KNTC1: variants seen among roughly 807,000 people sequenced by gnomAD.
KNTC1 encodes the protein kinetochore associated 1.
Under a neutral mutation model 314.4 loss-of-function variants are expected in KNTC1, and 253 were observed. That is an observed-to-expected ratio of 0.80 (90% CI 0.73 to 0.89). The LOEUF (loss-of-function observed/expected upper bound fraction) is 0.89. Ranked by LOEUF, KNTC1 falls within the 40% of genes least tolerant of loss-of-function variation. The pLI, the probability that KNTC1 is intolerant of heterozygous loss-of-function variation, is 0.00. For missense variants in KNTC1, 2,475 were observed against 2,572.9 expected (o/e 0.96, Z 0.82); for synonymous variants, 901 against 901.4 (o/e 1.00, Z 0.01).
chr12:122,558,379 T>G (rs918581703), intron 18 of KNTC1, among the ~76,000 whole-genome samples: 2 of 151,270 alleles, frequency 1.3e-5, no homozygotes, highest in African/African-American at 4.9e-5. Flanking sequence ...AGACCTCATG[T>G]TGTCTCTACT....
rs374760781 is a variant in KNTC1, at chr12:122,602,667, A to C, written c.4752A>C (p.Pro1584=). ...QYMLEHVITL[P]SAAQTRLPFH... Reference sequence around the variant, plus strand: ...TGTTGGAACATGTCATAACTTTGCCATCAGCTGCCCAAACTAGACTGCCTT... The same window carrying C: ...TGTTGGAACATGTCATAACTTTGCCCTCAGCTGCCCAAACTAGACTGCCTT... Residue 1584 remains proline, a synonymous_variant, in exon 46 of 64, where the codon CCA becomes CCC. Coordinates refer to ENST00000333479, the MANE Select transcript of KNTC1 (RefSeq NM_014708.6). 9 of 1,613,770 alleles carry C rather than the reference A, an allele frequency of 5.6e-6. No individual in the cohort carries two copies. Among genetic ancestry groups the C allele is most frequent in the Non-Finnish European group, 7.6e-6 (9 of 1,179,778 alleles).
intron 33 of KNTC1, among the ~76,000 whole-genome samples, chr12:122,581,146 C>T (rs990264008): frequency 7.3e-5 from 11 of 151,144 alleles, no homozygotes; most frequent in Non-Finnish European, 1.3e-4. Flanking sequence ...CCATATAATT[C>T]ATCCACTTAA....
rs2138025137 is a variant in KNTC1, at chr12:122,587,962, T to C, written c.3894+88T>C. On this transcript the variant is annotated intron_variant, in intron 39 of 63. Transcript: ENST00000333479. ...GGAATTTGGAGTCCACGTTTTCCTA[T>C]TGTCTTTGTAGCAAGGAAATTGGTA... 3 of 1,125,480 alleles carry C rather than the reference T, an allele frequency of 2.7e-6. No individual in the cohort carries two copies. The East Asian group carries it at 7.9e-5, about 29-fold the overall frequency. 69.7% of individuals were successfully genotyped at this position (1,125,480 alleles called of 1,614,324 possible). A position where few individuals can be genotyped will look rare whatever the true frequency, so the allele number is the denominator to read the frequency against.
Position 122,555,763 on chromosome 12 carries a change from C to T in KNTC1, c.1273-1621C>T, listed in dbSNP as rs184294755. The stretch of plus-strand genomic sequence containing the variant: ...ACTTGGGATGTGGAGGCAGGAGAAT[C>T]GCTTGAACCCGGGAGGCAGAGGTTG... On this transcript the variant is annotated intron_variant, in intron 16 of 63. Coordinates refer to ENST00000333479, the MANE Select transcript of KNTC1 (RefSeq NM_014708.6). 5.9e-5 allele frequency among the ~76,000 whole-genome samples: 9 copies of T among 151,870 alleles called. No homozygotes were observed. The East Asian group carries it at 9.7e-4, about 16-fold the overall frequency.
intron 5 of KNTC1, 50 bp downstream of exon 5, chr12:122,539,804 T>C: frequency 1.9e-6 from 2 of 1,077,888 alleles, no homozygotes; most frequent in Non-Finnish European, 2.7e-6. Context: ...TTTTTTTTAA[T>C]GGAGTCTCCC....
At position 122,557,512 on chromosome 12, in the gene KNTC1, A is replaced by G; in HGVS notation, c.1398+3A>G. ...AGGAAAATCTACATAAGATCCAGGTATGTTTTTCTTGTCACATACTACAGT... is the reference window on the plus strand; with the variant it reads ...AGGAAAATCTACATAAGATCCAGGTGTGTTTTTCTTGTCACATACTACAGT... On this transcript the variant is annotated splice_donor_region_variant and intron_variant, in intron 17 of 63. Transcript: ENST00000333479. 2 of 1,613,532 alleles carry G rather than the reference A, an allele frequency of 1.2e-6. No individual in the cohort carries two copies. The highest frequency in any genetic ancestry group is 1.1e-5 in the South Asian group (1 of 91,006).
At chr12:122,577,125 T>G in intron 30 of KNTC1, 96 bp downstream of exon 30, 1 of 866,290 alleles carries the variant, frequency 1.2e-6, no homozygotes, top group South Asian at 2.4e-5. Flanking sequence ...TTGCCCAGGC[T>G]GGAGTGCAGT....
intron 51 of KNTC1, among the ~76,000 whole-genome samples, chr12:122,605,766 G>C (rs895962273): frequency 4.0e-5 from 6 of 151,748 alleles, no homozygotes; most frequent in African/African-American, 1.5e-4. Flanking sequence ...GACTAGCCTC[G>C]AACTCCTGAC....
At chr12:122,596,032 G>T (rs1228630168) in intron 43 of KNTC1, among the ~76,000 whole-genome samples, 1 of 150,432 alleles carries the variant, frequency 6.6e-6, no homozygotes, top group Non-Finnish European at 1.5e-5. Flanking sequence ...TATTAATAGG[G>T]TCTAAAAAGG....
intron 62 of KNTC1, among the ~76,000 whole-genome samples, chr12:122,623,144 G>A (rs1310027954): frequency 6.6e-6 from 1 of 152,146 alleles, no homozygotes; most frequent in African/African-American, 2.4e-5. Context: ...CAAATCAAGT[G>A]TCTCACAGCC....
intron 18 of KNTC1, among the ~76,000 whole-genome samples, chr12:122,561,606 A>G (rs1963983344): frequency 6.6e-6 from 1 of 151,868 alleles, no homozygotes; most frequent in Non-Finnish European, 1.5e-5. Context: ...GGTGTGCGCA[A>G]CAGTGCCTGG....
rs1193868058 is a variant in KNTC1 at position 122,547,546 on chromosome 12, G to A, written c.932+16G>A. On this transcript the variant is annotated intron_variant, in intron 11 of 63. Coordinates refer to ENST00000333479, the MANE Select transcript of KNTC1 (RefSeq NM_014708.6). ...CAGTCACGTGGTATGTTATGACTAT[G>A]GCTAGTAGTCATTTCCCTTCTGTTA... 1 of 1,425,708 alleles carries A rather than the reference G, an allele frequency of 7.0e-7. No homozygotes were observed. The highest frequency in any genetic ancestry group is 1.2e-5 in the South Asian group (1 of 86,104). The allele number at this position is 1,425,708 out of a possible 1,614,324, so 88.3% of individuals were successfully genotyped here.
At chr12:122,614,647 G>A (rs1566018299) in intron 55 of KNTC1, among the ~76,000 whole-genome samples, 3 of 152,046 alleles carry the variant, frequency 2.0e-5, no homozygotes, top group South Asian at 2.1e-4. Context: ...TTGGGAGGCC[G>A]AGGCAGGTAG....
chr12:122,534,122 TG>T (rs1357594956), intron 2 of KNTC1, among the ~76,000 whole-genome samples: 2 of 152,222 alleles, frequency 1.3e-5, no homozygotes, highest in Admixed American at 1.3e-4. Flanking sequence ...TTAAAAATGT[TG>T]GCTTAGCTGC....
intron 23 of KNTC1, 33 bp from the exon 24 acceptor site, chr12:122,570,992 A>G: frequency 6.2e-7 from 1 of 1,603,534 alleles, no homozygotes; most frequent in Non-Finnish European, 8.5e-7. Flanking sequence ...AGCATAAAAC[A>G]TTGTTTTGAA....
intron 8 of KNTC1, among the ~76,000 whole-genome samples, chr12:122,545,971 A>G (rs1344854131): frequency 6.6e-6 from 1 of 150,940 alleles, no homozygotes; most frequent in Non-Finnish European, 1.5e-5. Flanking sequence ...AAAAAATTGT[A>G]ATAACCATGA....
chr12:122,594,517 A>C, intron 43 of KNTC1, 132 bp downstream of exon 43: 1 of 606,846 alleles, frequency 1.6e-6, no homozygotes, highest in Admixed American at 3.0e-5. Flanking sequence ...TCCCAAACTG[A>C]GTAAATATGA....
At chr12:122,535,141 T>A (rs909726964) in intron 3 of KNTC1, among the ~76,000 whole-genome samples, 3 of 152,238 alleles carry the variant, frequency 2.0e-5, no homozygotes, top group African/African-American at 7.2e-5. Flanking sequence ...ATTTTTAGAA[T>A]TAATAGCTCT....
intron 16 of KNTC1, among the ~76,000 whole-genome samples, chr12:122,554,014 C>T (rs1218916193): frequency 4.8e-5 from 7 of 147,048 alleles, no homozygotes; most frequent in African/African-American, 1.5e-4. Context: ...GCTTGCTACT[C>T]GTGCTTGTTT....
Sources: gnomAD v4.1 joint callset for allele counts (sites outside exome capture counted in the v4.1 genomes callset) on GRCh38, gnomAD v4.1.1 for gene constraint, MANE v1.5 for transcripts, NCBI Gene and HGNC (gene_info 2026-07-23, HGNC 2026-07-21) for gene names.